The following DLG2 variants were observed in gnomAD, a reference collection of about 807,000 sequenced individuals.
DLG2 encodes disks large homolog 2.
In DLG2, 45 loss-of-function variants were observed where a neutral mutation model predicts 132.5. That is an observed-to-expected ratio of 0.34 (90% CI 0.27 to 0.44). The LOEUF is 0.44. Ranked by LOEUF, DLG2 falls within the 20% of genes least tolerant of loss-of-function variation. DLG2 has a pLI of 1.00. For synonymous variants in DLG2, 424 were observed against 419.6 expected, an observed-to-expected ratio of 1.01 and a Z score of -0.13; for missense variants, 1,045 against 1,196.9, an observed-to-expected ratio of 0.87 and a Z score of 1.87.
chr11:85,570,672 C>G (rs1454601891), intron 3 of DLG2, among the ~76,000 whole-genome samples: 1 of 152,106 alleles, frequency 6.6e-6, no homozygotes, highest in East Asian at 1.9e-4. Flanking sequence ...CTTCAAATGT[C>G]TTTCAAATAC....
chr11:83,546,149 GTGAAGCAGCTGC>G (rs2096237808), intron 19 of DLG2, among the ~76,000 whole-genome samples: 1 of 152,152 alleles, frequency 6.6e-6, no homozygotes. Context: ...TAAGGGAAGA[GTGAAGCAGCTGC>G]TCATCCTCAT....
chr11:84,100,336 A>G (rs1018186383), intron 9 of DLG2, among the ~76,000 whole-genome samples: 2 of 146,256 alleles, frequency 1.4e-5, no homozygotes, highest in African/African-American at 5.0e-5. Context: ...TCTAAAGGAT[A>G]TATATATCTT....
At chr11:85,340,742 A>T (rs1254214215) in intron 3 of DLG2, among the ~76,000 whole-genome samples, 1 of 152,176 alleles carries the variant, frequency 6.6e-6, no homozygotes, top group East Asian at 1.9e-4. Context: ...AATTTTGTTT[A>T]TGGTGTTAGT....
intron 7 of DLG2, among the ~76,000 whole-genome samples, chr11:84,350,189 A>C (rs2098557612): frequency 6.6e-6 from 1 of 150,454 alleles, no homozygotes; most frequent in African/African-American, 2.4e-5. Context: ...CCCCCCAAAA[A>C]AAAAAAAAAA....
intron 19 of DLG2, among the ~76,000 whole-genome samples, chr11:83,551,379 C>G (rs1293126329): frequency 6.6e-6 from 1 of 152,130 alleles, no homozygotes; most frequent in Admixed American, 6.6e-5. Context: ...AAAGCTAGTA[C>G]GGTCCCTAGC....
chr11:83,751,526 A>G (rs2093310549), intron 18 of DLG2, among the ~76,000 whole-genome samples: 1 of 152,204 alleles, frequency 6.6e-6, no homozygotes. Context: ...TAACCCAGGT[A>G]ATGAATGATA....
intron 6 of DLG2, among the ~76,000 whole-genome samples, chr11:84,654,594 T>G (rs2099685973): frequency 6.6e-6 from 1 of 152,216 alleles, no homozygotes; most frequent in South Asian, 2.1e-4. Flanking sequence ...ATTTATACCA[T>G]TTTTCCAACT....
intron 15 of DLG2, among the ~76,000 whole-genome samples, chr11:83,903,468 T>C (rs1042334990): frequency 2.0e-5 from 3 of 152,094 alleles, no homozygotes; most frequent in Non-Finnish European, 4.4e-5. Context: ...TTATAAATAG[T>C]ATTAATTGAT....
At chr11:85,150,803 C>T (rs144017373) in intron 5 of DLG2, among the ~76,000 whole-genome samples, 1 of 150,868 alleles carries the variant, frequency 6.6e-6, no homozygotes, top group East Asian at 2.0e-4. Flanking sequence ...TTGCTTCCAC[C>T]ACTTGAGTAT....
At chr11:84,640,096 G>A (rs537087497) in intron 6 of DLG2, 140 of 312,620 alleles carry the variant, frequency 4.5e-4, no homozygotes, top group Non-Finnish European at 6.5e-4. Flanking sequence ...GGAACCCTGT[G>A]AAGGGACTTC....
At chr11:85,446,390 T>C (rs1260143251) in intron 3 of DLG2, among the ~76,000 whole-genome samples, 1 of 152,228 alleles carries the variant, frequency 6.6e-6, no homozygotes, top group Non-Finnish European at 1.5e-5. Context: ...AGTTAGATTT[T>C]ACTTTGAAGG....
intron 6 of DLG2, among the ~76,000 whole-genome samples, chr11:85,059,606 C>T (rs1219950184): frequency 6.6e-6 from 1 of 151,570 alleles, no homozygotes; most frequent in Admixed American, 6.6e-5. Context: ...TTCCAAAAGA[C>T]AAACTGCAAC....
chr11:84,321,075 C>A (rs4944480), intron 7 of DLG2, among the ~76,000 whole-genome samples: 18,851 of 152,146 alleles, frequency 0.12, 1,293 homozygotes, highest in East Asian at 0.23. Flanking sequence ...TATACTTCTA[C>A]CAGAAATTTG....
intron 3 of DLG2, among the ~76,000 whole-genome samples, chr11:85,293,445 CA>C (rs1172840699): frequency 6.6e-6 from 1 of 152,068 alleles, no homozygotes; most frequent in Non-Finnish European, 1.5e-5. Context: ...TAAAATAGTA[CA>C]AACTGGCACG....
chr11:83,945,993 CTTTT>C (rs765410972), intron 14 of DLG2, among the ~76,000 whole-genome samples: 1 of 72,006 alleles, frequency 1.4e-5, no homozygotes, highest in Non-Finnish European at 2.6e-5. Flanking sequence ...CTCTCTCTCT[CTTTT>C]TTTTTTTTTT....
At chr11:84,100,619 A>T (rs1395717835) in intron 9 of DLG2, among the ~76,000 whole-genome samples, 4 of 151,974 alleles carry the variant, frequency 2.6e-5, no homozygotes, top group African/African-American at 9.7e-5. Context: ...TTGTCACTGG[A>T]TATTAAATTT....
intron 15 of DLG2, among the ~76,000 whole-genome samples, chr11:83,916,701 C>T (rs1278499159): frequency 6.6e-6 from 1 of 152,134 alleles, no homozygotes; most frequent in Non-Finnish European, 1.5e-5. Flanking sequence ...AATTTCTTTC[C>T]CCATCCCAAT....
At chr11:83,721,511 G>A (rs1214827835) in intron 18 of DLG2, among the ~76,000 whole-genome samples, 1 of 152,102 alleles carries the variant, frequency 6.6e-6, no homozygotes, top group Non-Finnish European at 1.5e-5. Context: ...GTCAGTGACT[G>A]GTCACTGAGC....
At chr11:84,756,841 T>G (rs966092135) in intron 6 of DLG2, among the ~76,000 whole-genome samples, 1 of 152,164 alleles carries the variant, frequency 6.6e-6, no homozygotes, top group Non-Finnish European at 1.5e-5. Flanking sequence ...CATCTTCCAG[T>G]GAGGCCCAGA....
Sources: gnomAD v4.1 joint callset for allele counts (sites outside exome capture counted in the v4.1 genomes callset) on GRCh38, gnomAD v4.1.1 for gene constraint, MANE v1.5 for transcripts, NCBI Gene and HGNC (gene_info 2026-07-23, HGNC 2026-07-21) for gene names.